Variants in SEMA6A observed in about 807,000 individuals in gnomAD.
SEMA6A encodes semaphorin-6A.
In SEMA6A, 25 loss-of-function variants were observed where a neutral mutation model predicts 96.8. The ratio of observed to expected loss-of-function variants is 0.26; its 90% CI spans 0.19 to 0.36. SEMA6A has a LOEUF of 0.36. SEMA6A is among the 10% of genes least tolerant of loss of function. The probability of loss-of-function intolerance (pLI) is 1.00; values close to 1 mark genes in which losing one functional copy is unlikely to be tolerated. For missense variants in SEMA6A, 1,363 were observed against 1,323.1 expected, an observed-to-expected ratio of 1.03 and a Z score of -0.47; for synonymous variants, 612 against 518.0, an observed-to-expected ratio of 1.18 and a Z score of -2.46.
At chr5:116,512,588 T>C (rs1353045484) in intron 1 of SEMA6A, among the ~76,000 whole-genome samples, 2 of 152,198 alleles carry the variant, frequency 1.3e-5, no homozygotes, top group Non-Finnish European at 2.9e-5. Flanking sequence ...AAAAATATCT[T>C]TTCAAAAAAT....
chr5:116,471,489 CA>C (rs1470047150), intron 17 of SEMA6A: 2 of 152,130 alleles, frequency 1.3e-5, no homozygotes, highest in East Asian at 3.8e-4. Flanking sequence ...GAAATGATCG[CA>C]AAGTATCATA....
In SEMA6A at chr5:116,446,620, C is replaced by A; in HGVS notation, c.3086G>T (p.Cys1029Phe). ...LSTSMKPNDA[C>F]T ...GACCCCCTCCCCCTGGGATTATGTA[C>A]ACGCATCATTGGGCTTCATGGATGT... Residue 1029 changes from cysteine to phenylalanine, a missense_variant, in exon 19 of 19, where the codon TGT becomes TTT. This residue lies in a region of SEMA6A where 883 missense variants were observed against 763.6 expected (regional missense o/e 1.16). Coordinates refer to ENST00000343348, the MANE Select transcript of SEMA6A (RefSeq NM_020796.5). 2 of 1,498,582 alleles carry A rather than the reference C, an allele frequency of 1.3e-6. No homozygotes were observed. Among genetic ancestry groups the A allele is most frequent in the Non-Finnish European group, 1.8e-6 (2 of 1,122,852 alleles). 92.8% of individuals were successfully genotyped at this position (1,498,582 alleles called of 1,614,324 possible).
chr5:116,480,543 C>T (rs993703083), intron 11 of SEMA6A, among the ~76,000 whole-genome samples: 4 of 152,140 alleles, frequency 2.6e-5, no homozygotes, highest in Non-Finnish European at 4.4e-5. Context: ...ACAAACAAAC[C>T]TCAGTAAACA....
At chr5:116,560,704 C>A (rs1216937073) in intron 1 of SEMA6A, among the ~76,000 whole-genome samples, 2 of 151,868 alleles carry the variant, frequency 1.3e-5, no homozygotes, top group East Asian at 3.9e-4. Flanking sequence ...TATTTTTATC[C>A]CGACCATAAA....
chr5:116,490,619 G>C (rs1757286111), intron 7 of SEMA6A, among the ~76,000 whole-genome samples: 2 of 152,098 alleles, frequency 1.3e-5, no homozygotes, highest in South Asian at 4.1e-4. Flanking sequence ...CTCTCATTTA[G>C]GGGGAGAACC....
chr5:116,466,592 G>A (rs921642952), intron 18 of SEMA6A, among the ~76,000 whole-genome samples: 3 of 152,094 alleles, frequency 2.0e-5, no homozygotes, highest in Non-Finnish European at 4.4e-5. Context: ...GAGTCTGACC[G>A]GAAAGCATTG....
chr5:116,561,563 T>C (rs1260925986), intron 1 of SEMA6A, among the ~76,000 whole-genome samples: 1 of 152,250 alleles, frequency 6.6e-6, no homozygotes, highest in Non-Finnish European at 1.5e-5. Flanking sequence ...TATTCGTACA[T>C]TTAAAACTCT....
intron 1 of SEMA6A, among the ~76,000 whole-genome samples, chr5:116,571,219 T>C (rs1483627829): frequency 2.0e-5 from 3 of 152,228 alleles, no homozygotes; most frequent in Non-Finnish European, 4.4e-5. Context: ...GAGTGTTCTA[T>C]ACTGGTTCTT....
intron 13 of SEMA6A, 55 bp downstream of exon 13, chr5:116,478,487 G>T (rs1756583210): frequency 1.4e-6 from 2 of 1,465,982 alleles, no homozygotes; most frequent in Non-Finnish European, 1.8e-6. Flanking sequence ...TGAATGAAAG[G>T]GGCCATAATA....
intron 10 of SEMA6A, chr5:116,486,493 A>T: frequency 2.6e-6 from 1 of 384,206 alleles, no homozygotes; most frequent in Non-Finnish European, 4.7e-6. Flanking sequence ...ACACATAAAA[A>T]GTGTTTATAT....
At chr5:116,464,333 G>A (rs969025854) in intron 18 of SEMA6A, among the ~76,000 whole-genome samples, 2 of 152,144 alleles carry the variant, frequency 1.3e-5, no homozygotes, top group Non-Finnish European at 1.5e-5. Flanking sequence ...CAGAGCAGTT[G>A]GCTGTGTTTT....
At chr5:116,554,374 A>G (rs1272788194) in intron 1 of SEMA6A, among the ~76,000 whole-genome samples, 1 of 152,246 alleles carries the variant, frequency 6.6e-6, no homozygotes, top group Non-Finnish European at 1.5e-5. Flanking sequence ...AGCCCTATCT[A>G]ATGATTTATG....
intron 1 of SEMA6A, among the ~76,000 whole-genome samples, chr5:116,536,831 C>T (rs1228716820): frequency 1.7e-5 from 2 of 119,524 alleles, no homozygotes; most frequent in East Asian, 2.5e-4. Flanking sequence ...TCTGAATGGT[C>T]GAAAAGCTTT....
At chr5:116,477,756 G>A in intron 15 of SEMA6A, 90 bp downstream of exon 15, 4 of 1,259,830 alleles carry the variant, frequency 3.2e-6, no homozygotes, top group Non-Finnish European at 4.6e-6. Context: ...AAAGCTGTGT[G>A]GTGGTGTGTG....
intron 1 of SEMA6A, among the ~76,000 whole-genome samples, chr5:116,536,819 C>A (rs1402272141): frequency 6.9e-6 from 1 of 144,828 alleles, no homozygotes; most frequent in East Asian, 2.0e-4. Flanking sequence ...ATGCAAGCAG[C>A]CTCTGAATGG....
chr5:116,523,284 G>T (rs1759046791), intron 1 of SEMA6A, among the ~76,000 whole-genome samples: 1 of 151,912 alleles, frequency 6.6e-6, no homozygotes, highest in African/African-American at 2.4e-5. Flanking sequence ...TTTTCTCTTG[G>T]GGTTTAAGGT....
At chr5:116,478,412 T>G (rs1756578914) in intron 13 of SEMA6A, 130 bp downstream of exon 13, 1 of 1,047,702 alleles carries the variant, frequency 9.5e-7, no homozygotes, top group East Asian at 2.6e-5. Context: ...GGTGTTAAAT[T>G]TTTACAAACA....
chr5:116,449,618 C>G (rs1754498311), intron 18 of SEMA6A: 3 of 408,960 alleles, frequency 7.3e-6, no homozygotes, highest in Non-Finnish European at 1.3e-5. Context: ...CTTTTTCTTT[C>G]CTTCCTAAGG....
At chr5:116,532,744 A>C (rs1759540773) in intron 1 of SEMA6A, among the ~76,000 whole-genome samples, 1 of 151,912 alleles carries the variant, frequency 6.6e-6, no homozygotes, top group Admixed American at 6.6e-5. Context: ...GTAAAGACTT[A>C]TCGGTACTGG....
Sources: gnomAD v4.1 joint callset for allele counts (sites outside exome capture counted in the v4.1 genomes callset) on GRCh38, gnomAD v4.1.1 for gene constraint, gnomAD v4.1.1 regional missense constraint, MANE v1.5 for transcripts, NCBI Gene and HGNC (gene_info 2026-07-23, HGNC 2026-07-21) for gene names.